The following DAB1 variants were observed in gnomAD, a reference collection of about 807,000 sequenced individuals.
DAB1 encodes DAB adaptor protein 1.
DAB1 carries 15 observed loss-of-function variants against 64.6 expected under a neutral mutation model. The ratio of observed to expected loss-of-function variants is 0.23; its 90% CI spans 0.16 to 0.36. The LOEUF is 0.36. Among genes scored for constraint, DAB1 ranks in the 10% least tolerant of loss-of-function variants. The probability of loss-of-function intolerance (pLI) is 1.00; values close to 1 mark genes in which losing one functional copy is unlikely to be tolerated. For synonymous variants in DAB1, 235 were observed against 251.9 expected, an observed-to-expected ratio of 0.93 and a Z score of 0.64; for missense variants, 596 against 706.7, an observed-to-expected ratio of 0.84 and a Z score of 1.78.
chr1:57,326,059 T>C (rs2100780121), intron 1 of DAB1, among the ~76,000 whole-genome samples: 1 of 152,356 alleles, frequency 6.6e-6, no homozygotes, highest in South Asian at 2.1e-4. Flanking sequence ...TTCTACACTT[T>C]TGCTAGGCAT....
intron 7 of DAB1, among the ~76,000 whole-genome samples, chr1:57,466,843 C>G (rs1361361581): frequency 6.6e-6 from 1 of 152,180 alleles, no homozygotes; most frequent in Non-Finnish European, 1.5e-5. Context: ...TCACATGACC[C>G]TCTCCACCTT....
chr1:57,122,149 T>G (rs183994875), intron 4 of DAB1, among the ~76,000 whole-genome samples: 1 of 152,136 alleles, frequency 6.6e-6, no homozygotes, highest in Admixed American at 6.6e-5. Flanking sequence ...ATGTGTGAAT[T>G]TGAAGAGAGG....
chr1:57,860,275 C>T (rs1653952549), intron 1 of DAB1, among the ~76,000 whole-genome samples: 1 of 152,196 alleles, frequency 6.6e-6, no homozygotes, highest in Admixed American at 6.5e-5. Context: ...ATTTGAGACA[C>T]TCATATGAAG....
chr1:57,240,215 A>G (rs958990364), intron 2 of DAB1, among the ~76,000 whole-genome samples: 1 of 152,244 alleles, frequency 6.6e-6, no homozygotes, highest in African/African-American at 2.4e-5. Flanking sequence ...GGAAGAGGAC[A>G]AAATAAACAT....
At chr1:57,706,492 A>AT (rs1258311660) in intron 6 of DAB1, among the ~76,000 whole-genome samples, 1 of 151,710 alleles carries the variant, frequency 6.6e-6, no homozygotes, top group Non-Finnish European at 1.5e-5. Context: ...TAATTTTTGT[A>AT]TTTTTTTGTA....
At chr1:57,613,129 G>A (rs1236296848) in intron 7 of DAB1, among the ~76,000 whole-genome samples, 1 of 152,212 alleles carries the variant, frequency 6.6e-6, no homozygotes, top group Non-Finnish European at 1.5e-5. Flanking sequence ...TAAGTATGTA[G>A]TCTTTTACAA....
chr1:58,115,865 C>T lies in DAB1; in HGVS notation n.387+34646G>A, dbSNP rs867625879. ...GGGTCGGGGGAGGGGGGAGGGATAG[C>T]ATTGGGAGATATACCTAATGCTAGA... On this transcript the variant is annotated intron_variant and non_coding_transcript_variant, in intron 5 of 20. Coordinates refer to the DAB1 transcript ENST00000485760. Among the ~76,000 whole-genome samples the T allele has an allele frequency of 6.7e-5, 8 of 120,008 alleles. No homozygotes were observed. The South Asian group carries it at 2.5e-3, about 38-fold the overall frequency. 78.7% of individuals were successfully genotyped at this position (120,008 alleles called of 152,430 possible). A position where few individuals can be genotyped will look rare whatever the true frequency, so the allele number is the denominator to read the frequency against.
intron 7 of DAB1, among the ~76,000 whole-genome samples, chr1:57,649,406 G>T (rs1214296423): frequency 6.6e-6 from 1 of 152,122 alleles, no homozygotes; most frequent in Admixed American, 6.6e-5. Context: ...ACACAAAGCC[G>T]ACTAGAGAAA....
At chr1:57,941,111 G>C (rs1645097725) in intron 5 of DAB1, among the ~76,000 whole-genome samples, 1 of 152,178 alleles carries the variant, frequency 6.6e-6, no homozygotes, top group Non-Finnish European at 1.5e-5. Context: ...GCATGATATA[G>C]GACAGTGACC....
At chr1:57,596,569 G>C (rs933922751) in intron 7 of DAB1, among the ~76,000 whole-genome samples, 3 of 152,074 alleles carry the variant, frequency 2.0e-5, no homozygotes, top group African/African-American at 4.8e-5. Context: ...AGCAGTGTAG[G>C]AGTAGGAGTC....
At chr1:57,691,379 A>C (rs190463533) in intron 6 of DAB1, among the ~76,000 whole-genome samples, 1 of 152,242 alleles carries the variant, frequency 6.6e-6, no homozygotes, top group Admixed American at 6.5e-5. Context: ...ACCTATCAGC[A>C]CTCTGTAAAA....
intron 7 of DAB1, among the ~76,000 whole-genome samples, chr1:57,565,767 T>C (rs1645112402): frequency 6.6e-6 from 1 of 152,126 alleles, no homozygotes; most frequent in African/African-American, 2.4e-5. Flanking sequence ...GCACCCAGAT[T>C]CATAAAGCAG....
intron 1 of DAB1, among the ~76,000 whole-genome samples, chr1:57,373,013 G>GAA (rs11387419): frequency 1.0e-3 from 148 of 146,916 alleles, no homozygotes; most frequent in African/African-American, 2.2e-3. Flanking sequence ...TACGTCTCTA[G>GAA]AAAAAAAAAA....
intron 4 of DAB1, among the ~76,000 whole-genome samples, chr1:58,334,828 A>G (rs1663071652): frequency 6.6e-6 from 1 of 151,898 alleles, no homozygotes; most frequent in African/African-American, 2.4e-5. Context: ...TGATTGTTCA[A>G]TGAAGGAAGG....
intron 6 of DAB1, among the ~76,000 whole-genome samples, chr1:57,715,488 G>A (rs58419834): frequency 5.9e-5 from 9 of 152,234 alleles, no homozygotes; most frequent in African/African-American, 2.2e-4. Flanking sequence ...TGGGAAAAAG[G>A]AAGCCAAATT....
At chr1:57,927,412 T>A (rs1484742559) in intron 5 of DAB1, among the ~76,000 whole-genome samples, 1 of 152,004 alleles carries the variant, frequency 6.6e-6, no homozygotes, top group Admixed American at 6.6e-5. Flanking sequence ...GGAGGGAGGA[T>A]CACCTGAGCT....
intron 1 of DAB1, among the ~76,000 whole-genome samples, chr1:57,380,787 C>T (rs1681306074): frequency 6.6e-6 from 1 of 152,176 alleles, no homozygotes; most frequent in Admixed American, 6.5e-5. Flanking sequence ...TGATTTATAA[C>T]ATGCAGGCTG....
chr1:58,308,865 T>C (rs1308507723), intron 4 of DAB1, among the ~76,000 whole-genome samples: 2 of 152,178 alleles, frequency 1.3e-5, no homozygotes, highest in Admixed American at 6.5e-5. Flanking sequence ...GCGCTCCCCA[T>C]ATTCCAAGGT....
intron 4 of DAB1, among the ~76,000 whole-genome samples, chr1:58,185,209 T>C (rs1198924013): frequency 6.6e-6 from 1 of 152,212 alleles, no homozygotes. Context: ...TGTCTCAAAG[T>C]AACCCTTCCT....
Sources: gnomAD v4.1 joint callset for allele counts (sites outside exome capture counted in the v4.1 genomes callset) on GRCh38, gnomAD v4.1.1 for gene constraint, MANE v1.5 for transcripts, NCBI Gene and HGNC (gene_info 2026-07-23, HGNC 2026-07-21) for gene names.